Variants in LURAP1 observed in about 807,000 individuals in gnomAD.
LURAP1 encodes the protein NF-kappa-B activator C1orf190.
LURAP1 carries 14 observed loss-of-function variants against 19.0 expected under a neutral mutation model. That is an observed-to-expected ratio of 0.74 (90% confidence interval 0.49 to 1.15). The LOEUF is 1.15. Ranked by LOEUF, LURAP1 falls within the 50% of genes most tolerant of loss-of-function variation. LURAP1 has a pLI of 0.00. For missense variants in LURAP1, 273 were observed against 309.1 expected (o/e 0.88, Z 0.87); for synonymous variants, 129 against 131.8 (o/e 0.98, Z 0.14).
At chr1:46,208,917 A>G (rs1557683761) in intron 1 of LURAP1, among the ~76,000 whole-genome samples, 1 of 152,226 alleles carries the variant, frequency 6.6e-6, no homozygotes, top group African/African-American at 2.4e-5. Context: ...AGACAAGGTA[A>G]TAGGAACAAA....
chr1:46,210,377 G>A (rs544063149), intron 1 of LURAP1, among the ~76,000 whole-genome samples: 4 of 152,142 alleles, frequency 2.6e-5, no homozygotes, highest in South Asian at 4.2e-4. Flanking sequence ...CAAGCAATCA[G>A]TTCTGCAGCA....
chr1:46,210,555 C>T (rs1384170124), intron 1 of LURAP1, among the ~76,000 whole-genome samples: 1 of 152,138 alleles, frequency 6.6e-6, no homozygotes, highest in Non-Finnish European at 1.5e-5. Flanking sequence ...ATTGGGGTTC[C>T]TATGACCCCC....
intron 1 of LURAP1, among the ~76,000 whole-genome samples, chr1:46,213,715 G>T (rs1439975544): frequency 6.6e-6 from 1 of 152,012 alleles, no homozygotes; most frequent in Non-Finnish European, 1.5e-5. Context: ...GCGAGACTTT[G>T]TCTCTACAAA....
At chr1:46,204,972 C>CA (rs1658664937) in intron 1 of LURAP1, among the ~76,000 whole-genome samples, 1 of 152,100 alleles carries the variant, frequency 6.6e-6, no homozygotes, top group African/African-American at 2.4e-5. Flanking sequence ...GAAACTGAGG[C>CA]ACAGGGTGGG....
chr1:46,209,251 C>T (rs575142517), intron 1 of LURAP1, among the ~76,000 whole-genome samples: 7 of 151,816 alleles, frequency 4.6e-5, no homozygotes, highest in East Asian at 2.0e-4. Context: ...CTCGAACTCC[C>T]GAACTCAGGT....
rs776449438 is a variant in LURAP1, at chr1:46,220,163, G to A, written c.663G>A (p.Leu221=). 6.2e-6 allele frequency: 10 copies of A among 1,614,060 alleles called. No individual in the cohort carries two copies. Among genetic ancestry groups the A allele is most frequent in the Non-Finnish European group, 8.5e-6 (10 of 1,179,994 alleles). Residue 221 remains leucine (L), a synonymous_variant, in exon 2 of 2, where the codon CTG becomes CTA. Coordinates refer to ENST00000371980, the MANE Select transcript of LURAP1 (RefSeq NM_001013615.3). ...CACCAGAGGATGAGAGTGCCAAGCT[G>A]GGCTTCGAGGCCCACTGGTTCTGGG... is the stretch of plus-strand genomic sequence containing the variant. ...PESPEDESAK[L]GFEAHWFWEQ... is the part of the protein sequence containing the mutation.
intron 1 of LURAP1, among the ~76,000 whole-genome samples, chr1:46,211,634 C>T (rs550355866): frequency 6.6e-6 from 1 of 152,104 alleles, no homozygotes; most frequent in South Asian, 2.1e-4. Flanking sequence ...TTAGATAGTA[C>T]CTCATATTAT....
At position 46,220,264 on chromosome 1, in the gene LURAP1, T is replaced by G; in HGVS notation, c.*44T>G. The G allele has an allele frequency of 1.3e-6, 2 of 1,539,054 alleles. No individual in the cohort carries two copies. The highest frequency in any genetic ancestry group is 1.7e-4 in the Middle Eastern group (1 of 5,724). Reference sequence around the variant, plus strand: ...GTAATCCTGTGGCTCTTTTATCCATTAGATGTGGTCTCCCCCAAAATTGAT... The same window carrying G: ...GTAATCCTGTGGCTCTTTTATCCATGAGATGTGGTCTCCCCCAAAATTGAT... On this transcript the variant is annotated 3_prime_UTR_variant, in exon 2 of 2. Transcript: ENST00000371980.
At chr1:46,219,671 G>A in intron 1 of LURAP1, 28 bp from the exon 2 acceptor site, 1 of 1,545,090 alleles carries the variant, frequency 6.5e-7, no homozygotes, top group Non-Finnish European at 8.7e-7. Context: ...CCCAGAACTG[G>A]GACTAATTCC....
At chr1:46,214,221 C>T (rs1413310470) in intron 1 of LURAP1, among the ~76,000 whole-genome samples, 1 of 151,940 alleles carries the variant, frequency 6.6e-6, no homozygotes, top group Non-Finnish European at 1.5e-5. Flanking sequence ...TAGCGGGCAC[C>T]TGTAATCCCA....
At chr1:46,214,846 G>T (rs1052353272) in intron 1 of LURAP1, among the ~76,000 whole-genome samples, 8 of 114,872 alleles carry the variant, frequency 7.0e-5, no homozygotes, top group Middle Eastern at 9.6e-3. Context: ...CAGCCTGGGG[G>T]ACAAGAGTGA....
At chr1:46,209,815 A>G (rs2148242239) in intron 1 of LURAP1, among the ~76,000 whole-genome samples, 1 of 152,074 alleles carries the variant, frequency 6.6e-6, no homozygotes, top group South Asian at 2.1e-4. Flanking sequence ...ACGGCTGTAG[A>G]TGTAAATTTT....
At chr1:46,209,602 T>A (rs1571685346) in intron 1 of LURAP1, among the ~76,000 whole-genome samples, 1 of 149,906 alleles carries the variant, frequency 6.7e-6, no homozygotes. Flanking sequence ...TAGAGTGCAG[T>A]GGCCCAATCT....
intron 1 of LURAP1, among the ~76,000 whole-genome samples, chr1:46,214,923 G>A (rs904146902): frequency 1.4e-5 from 2 of 142,072 alleles, no homozygotes; most frequent in Admixed American, 7.3e-5. Context: ...TCAGAAACTA[G>A]AGCAAGTATA....
At chr1:46,213,147 A>G (rs557803651) in intron 1 of LURAP1, among the ~76,000 whole-genome samples, 1 of 152,114 alleles carries the variant, frequency 6.6e-6, no homozygotes, top group South Asian at 2.1e-4. Context: ...ATAAGTGTGT[A>G]CACATACACA....
intron 1 of LURAP1, among the ~76,000 whole-genome samples, chr1:46,209,695 G>T (rs1658832956): frequency 6.6e-6 from 1 of 151,750 alleles, no homozygotes; most frequent in South Asian, 2.1e-4. Context: ...ATTTTTAGTA[G>T]AGACGGGGTT....
intron 1 of LURAP1, among the ~76,000 whole-genome samples, chr1:46,203,942 AAATTCCCCCCG>A (rs1658630735): frequency 6.6e-6 from 1 of 152,090 alleles, no homozygotes; most frequent in Non-Finnish European, 1.5e-5. Flanking sequence ...AACGCAGCAC[AAATTCCCCCCG>A]CCTGTATGGG....
chr1:46,210,825 A>G (rs1658870656), intron 1 of LURAP1, among the ~76,000 whole-genome samples: 1 of 151,974 alleles, frequency 6.6e-6, no homozygotes, highest in Non-Finnish European at 1.5e-5. Flanking sequence ...CCCAGGTTGG[A>G]GTACAGTGGC....
intron 1 of LURAP1, among the ~76,000 whole-genome samples, chr1:46,215,257 G>A (rs1281021462): frequency 6.7e-6 from 1 of 148,866 alleles, no homozygotes; most frequent in Non-Finnish European, 1.5e-5. Context: ...ATGCAAGAGT[G>A]AAAAAAACAA....
Sources: gnomAD v4.1 joint callset for allele counts (sites outside exome capture counted in the v4.1 genomes callset) on GRCh38, gnomAD v4.1.1 for gene constraint, MANE v1.5 for transcripts, NCBI Gene and HGNC (gene_info 2026-07-23, HGNC 2026-07-21) for gene names.